The following ZNF615 variants were observed in gnomAD, a reference collection of about 807,000 sequenced individuals.
ZNF615 encodes the protein zinc finger protein 615.
ZNF615 carries 15 observed loss-of-function variants against 15.3 expected under a neutral mutation model. That is an observed-to-expected ratio of 0.98 (90% CI 0.66 to 1.51). The LOEUF (loss-of-function observed/expected upper bound fraction) is 1.51. Among genes scored for constraint, ZNF615 ranks in the 40% most tolerant of loss-of-function variants. The probability of loss-of-function intolerance (pLI) is 0.00; values close to 1 mark genes in which losing one functional copy is unlikely to be tolerated. For missense variants in ZNF615, 848 were observed against 895.9 expected, an observed-to-expected ratio of 0.95 and a Z score of 0.68; for synonymous variants, 268 against 294.6, an observed-to-expected ratio of 0.91 and a Z score of 0.92.
At chr19:51,995,010 T>C (rs2086377598) in intron 6 of ZNF615, among the ~76,000 whole-genome samples, 173 bp from the exon 7 acceptor site, 1 of 152,204 alleles carries the variant, frequency 6.6e-6, no homozygotes, top group South Asian at 2.1e-4. Flanking sequence ...GCAGGCGGAC[T>C]GAGTCCGAAA....
chr19:52,001,733 C>T (rs2086599589), intron 5 of ZNF615, 80 bp downstream of exon 5: 3 of 1,138,852 alleles, frequency 2.6e-6, no homozygotes, highest in African/African-American at 3.0e-5. Context: ...TCCTCAGATG[C>T]CCTCACTGCT....
In ZNF615 at chr19:51,992,704, T is replaced by C; in HGVS notation, c.*176A>G. 3.7e-6 allele frequency: 3 copies of C among 818,438 alleles called. No individual in the cohort carries two copies. The highest frequency in any genetic ancestry group is 5.7e-6 in the Non-Finnish European group (3 of 525,126). 50.7% of individuals were successfully genotyped at this position (818,438 alleles called of 1,614,324 possible). A position where few individuals can be genotyped will look rare whatever the true frequency, so the allele number is the denominator to read the frequency against. On this transcript the variant is annotated 3_prime_UTR_variant, in exon 7 of 7. Transcript: ENST00000598071. ...CATAGGATTTTTCTCAGTATACAAT[T>C]TTTAGACATAATGTCCTAAAATATT...
chr19:51,994,364 C>T lies in ZNF615; in HGVS notation c.745G>A (p.Gly249Arg). The T allele has an allele frequency of 6.2e-7, 1 of 1,614,066 alleles. No homozygotes were observed. The highest frequency in any genetic ancestry group is 8.5e-7 in the Non-Finnish European group (1 of 1,180,024). The change falls in exon 7 of 7, where the codon GGG becomes AGG. Residue 249 changes from glycine (G) to arginine (R), a missense_variant. Gly to Arg is a moderately radical substitution (Grantham distance 125). Coordinates refer to ENST00000598071, the MANE Select transcript of ZNF615 (RefSeq NM_001199324.2). The stretch of plus-strand genomic sequence containing the variant: ...CTGGATTTTCTGGAGAAAGCTTTCC[C>T]ACACATACTGCATACATGAGGTTTT... ...GEKPHVCSMC[G>R]KAFSRKSRLM...
chr19:51,994,789 C>A lies in ZNF615; in HGVS notation c.320G>T (p.Ser107Ile), dbSNP rs1169127838. 6.2e-7 allele frequency: 1 copy of A among 1,601,116 alleles called. No homozygotes were observed. The highest frequency in any genetic ancestry group is 8.5e-7 in the Non-Finnish European group (1 of 1,175,078). Reference protein sequence around the residue: ...DPLQHHLQNQSIQKSVKQCHE... With the variant: ...DPLQHHLQNQIIQKSVKQCHE... ...GCACTGTTTCACACTCTTCTGAATA[C>A]TTTGATTTTGCAAGTGATGCTGCAG... is the stretch of plus-strand genomic sequence containing the variant. Residue 107 changes from serine (S) to isoleucine (I), a missense_variant, in exon 7 of 7, where the codon AGT (serine) becomes ATT (isoleucine). Ser to Ile is a moderately radical substitution (Grantham distance 142). Transcript: ENST00000598071.
At chr19:52,004,456 T>A (rs898117947) in intron 2 of ZNF615, 1 of 152,026 alleles carries the variant, frequency 6.6e-6, no homozygotes, top group Non-Finnish European at 1.5e-5. Context: ...TCCAGTGGCG[T>A]GATCTCTGTT....
Position 51,993,661 on chromosome 19 carries a change from A to G in ZNF615, c.1448T>C (p.Ile483Thr), listed in dbSNP as rs764021446. The G allele has an allele frequency of 1.2e-6, 2 of 1,613,934 alleles. No homozygotes were observed. The highest frequency in any genetic ancestry group is 8.5e-7 in the Non-Finnish European group (1 of 1,179,968). The change falls in exon 7 of 7, where the codon ATT becomes ACT. Residue 483 changes from isoleucine to threonine, a missense_variant. Physicochemically the swap from Ile to Thr is moderately conservative, Grantham distance 89 (BLOSUM62 -1). Transcript: ENST00000598071. ...TGCAGTATGAGTTCGCTGATGTACA[A>G]TGAGGTCACTCTTCATGGTGAAACC... ...RKGFTMKSDL[I>T]VHQRTHTAEK...
rs377012505 is a variant in ZNF615 at position 52,003,749 on chromosome 19, G to C, written c.-38C>G. On this transcript the variant is annotated 5_prime_UTR_variant, in exon 3 of 7. Coordinates refer to ENST00000598071, the MANE Select transcript of ZNF615 (RefSeq NM_001199324.2). The stretch of plus-strand genomic sequence containing the variant: ...TTGGGAAATGACTGCTAACTTGGAC[G>C]TTCTGTATTTGTCTCTTCTGAATCA... The C allele has an allele frequency of 3.7e-6, 6 of 1,609,758 alleles. No homozygotes were observed. Among genetic ancestry groups the C allele is most frequent in the Non-Finnish European group, 5.1e-6 (6 of 1,178,192 alleles).
Position 52,007,322 on chromosome 19 carries a change from A to G in ZNF615, c.-219T>C. On this transcript the variant is annotated 5_prime_UTR_variant, in exon 2 of 7. Coordinates refer to ENST00000598071, the MANE Select transcript of ZNF615 (RefSeq NM_001199324.2). ...GCAGAGATGTTATCTTACTTGTGTC[A>G]GAAAGAACCTGAAAAGAAATATCCA... 7.8e-7 allele frequency: 1 copy of G among 1,288,850 alleles called. No homozygotes were observed. Among genetic ancestry groups the G allele is most frequent in the Non-Finnish European group, 1.0e-6 (1 of 988,384 alleles). 79.8% of individuals were successfully genotyped at this position (1,288,850 alleles called of 1,614,324 possible).
chr19:51,999,554 GT>G (rs1454733588), intron 6 of ZNF615, among the ~76,000 whole-genome samples: 8 of 152,090 alleles, frequency 5.3e-5, no homozygotes, highest in African/African-American at 1.9e-4. Context: ...ACACAACTAG[GT>G]GAATAGATTA....
rs1474972761 is a variant in ZNF615, at chr19:51,994,455, A to G, written c.654T>C (p.Ser218=). 6 of 1,614,066 alleles carry G rather than the reference A, an allele frequency of 3.7e-6. No individual in the cohort carries two copies. The highest frequency in any genetic ancestry group is 5.1e-6 in the Non-Finnish European group (6 of 1,180,022). The part of the protein sequence containing the change: ...THNIENAHVC[S]ECGKAFLKLS... ...ACTTGAGGAAGGCTTTCCCACATTC[A>G]CTGCATACATGGGCATTCTCTATGT... is the stretch of plus-strand genomic sequence containing the variant. The change falls in exon 7 of 7, where the codon AGT becomes AGC. Residue 218 remains serine, a synonymous_variant. Transcript: ENST00000598071.
intron 1 of ZNF615, 91 bp downstream of exon 1, chr19:52,008,050 C>A: frequency 8.1e-7 from 1 of 1,238,386 alleles, no homozygotes. Context: ...CCGACAGATA[C>A]CAGTCCATCA....
chr19:52,006,337 C>A (rs761012720), intron 2 of ZNF615, among the ~76,000 whole-genome samples: 3 of 152,014 alleles, frequency 2.0e-5, no homozygotes, highest in African/African-American at 7.2e-5. Context: ...CAAAAATAAT[C>A]CTCAGAGATA....
At chr19:52,007,603 C>T (rs1317085986) in intron 1 of ZNF615, among the ~76,000 whole-genome samples, 1 of 152,160 alleles carries the variant, frequency 6.6e-6, no homozygotes, top group Non-Finnish European at 1.5e-5. Flanking sequence ...CATCACCTGC[C>T]ATGGTTCCCA....
rs774017009 is a variant in ZNF615 at position 52,003,722 on chromosome 19, A to G, written c.-11T>C. On this transcript the variant is annotated 5_prime_UTR_variant, in exon 3 of 7. Coordinates refer to ENST00000598071, the MANE Select transcript of ZNF615 (RefSeq NM_001199324.2). ...CTGGGCCTGCATCATTGTCTCCTAA[A>G]TTTGGGAAATGACTGCTAACTTGGA... 1 of 1,612,474 alleles carries G rather than the reference A, an allele frequency of 6.2e-7. No individual in the cohort carries two copies. The highest frequency in any genetic ancestry group is 1.1e-5 in the South Asian group (1 of 90,674).
chr19:52,004,017 G>A, intron 2 of ZNF615, 117 bp from the exon 3 acceptor site: 1 of 572,294 alleles, frequency 1.7e-6, no homozygotes, highest in Non-Finnish European at 2.4e-6. Flanking sequence ...TTTATTTAGT[G>A]CTCCAGAAGC....
chr19:52,005,785 T>C (rs528431392), intron 2 of ZNF615, among the ~76,000 whole-genome samples: 10 of 152,314 alleles, frequency 6.6e-5, no homozygotes, highest in African/African-American at 1.9e-4. Context: ...AGTTGAGAAT[T>C]TGGGTCTAGA....
rs1295268401 is a variant in ZNF615, at chr19:52,007,285, G to A, written c.-190+8C>T. The stretch of plus-strand genomic sequence containing the variant: ...TGACAAAGGTTATCTTTGAGTAACC[G>A]AGCTTACCATGGCAGAGATGTTATC... On this transcript the variant is annotated splice_region_variant and intron_variant, in intron 2 of 6. Transcript: ENST00000598071. The A allele has an allele frequency of 1.6e-6, 2 of 1,287,748 alleles. No homozygotes were observed. The highest frequency in any genetic ancestry group is 2.0e-6 in the Non-Finnish European group (2 of 987,312). The allele number at this position is 1,287,748 out of a possible 1,614,324, so 79.8% of individuals were successfully genotyped here.
intron 6 of ZNF615, among the ~76,000 whole-genome samples, chr19:51,996,525 G>A (rs1342799436): frequency 6.6e-6 from 1 of 151,680 alleles, no homozygotes; most frequent in Non-Finnish European, 1.5e-5. Context: ...AACACATAAA[G>A]TTTAAGACCA....
In ZNF615 at chr19:52,000,346, C is replaced by T. The variant is rs2123051150; in HGVS notation, c.271G>A (p.Glu91Lys). Residue 91 changes from glutamate to lysine, a missense_variant and splice_region_variant, in exon 6 of 7, where the codon GAA becomes AAA. By Grantham distance (56) the Glu-to-Lys change is moderately conservative. Transcript: ENST00000598071. Reference sequence around the variant, plus strand: ...CAGGCAATATATCCATGAGACAAACCTGCATATGCACCTCCTGATGCACCT... The same window carrying T: ...CAGGCAATATATCCATGAGACAAACTTGCATATGCACCTCCTGATGCACCT... ...SGGASGGAYA[E>K]IRKIDDPLQH... The T allele has an allele frequency of 3.2e-6, 2 of 633,194 alleles. No homozygotes were observed. Among genetic ancestry groups the T allele is most frequent in the East Asian group, 2.9e-5 (1 of 34,966 alleles). 39.2% of individuals were successfully genotyped at this position (633,194 alleles called of 1,614,324 possible). A position where few individuals can be genotyped will look rare whatever the true frequency, so the allele number is the denominator to read the frequency against.
Sources: allele counts gnomAD v4.1 joint callset (sites outside exome capture counted in the v4.1 genomes callset), GRCh38; gene constraint gnomAD v4.1.1; transcripts MANE v1.5; gene names NCBI Gene and HGNC (gene_info 2026-07-23, HGNC 2026-07-21).